The following SPATA13 variants were observed in gnomAD, a reference collection of about 807,000 sequenced individuals.
SPATA13 encodes spermatogenesis-associated protein 13.
SPATA13 carries 50 observed loss-of-function variants against 104.0 expected under a neutral mutation model. The observed-to-expected ratio is 0.48, with a 90% CI of 0.38 to 0.61. The LOEUF (loss-of-function observed/expected upper bound fraction) is 0.61, where lower values mean the gene tolerates loss of function less well. SPATA13 is among the 20% of genes least tolerant of loss of function. SPATA13 has a pLI of 0.00. For synonymous variants in SPATA13, 606 were observed against 667.5 expected, an observed-to-expected ratio of 0.91 and a Z score of 1.42; for missense variants, 1,524 against 1,690.6, an observed-to-expected ratio of 0.90 and a Z score of 1.73.
intron 3 of SPATA13, among the ~76,000 whole-genome samples, chr13:24,086,279 TA>T (rs1167265925): frequency 6.6e-6 from 1 of 152,120 alleles, no homozygotes; most frequent in Non-Finnish European, 1.5e-5. Flanking sequence ...ATAGTCTTGC[TA>T]AAAAAAGGGA....
intron 3 of SPATA13, among the ~76,000 whole-genome samples, chr13:24,053,738 G>T (rs554888452): frequency 6.6e-6 from 1 of 152,168 alleles, no homozygotes; most frequent in South Asian, 2.1e-4. Context: ...ATGATTTTGG[G>T]GCTGCTGTCT....
At chr13:24,170,086 A>G (rs1178051606) in intron 1 of SPATA13, among the ~76,000 whole-genome samples, 2 of 152,232 alleles carry the variant, frequency 1.3e-5, no homozygotes, top group Non-Finnish European at 2.9e-5. Context: ...ACAAGGTCCC[A>G]TCTTCAGTTT....
At chr13:24,057,868 C>G (rs895065473) in intron 3 of SPATA13, among the ~76,000 whole-genome samples, 1 of 151,704 alleles carries the variant, frequency 6.6e-6, no homozygotes, top group East Asian at 1.9e-4. Context: ...TCCAGATTCC[C>G]CTCCTCTCTT....
intron 3 of SPATA13, among the ~76,000 whole-genome samples, chr13:24,078,143 C>T (rs9511035): frequency 0.22 from 34,045 of 151,976 alleles, 4,062 homozygotes; most frequent in Non-Finnish European, 0.27. Context: ...GCCACCTGCT[C>T]GCCCCCACAG....
At chr13:24,023,204 G>C (rs894430206) in intron 3 of SPATA13, among the ~76,000 whole-genome samples, 1 of 152,010 alleles carries the variant, frequency 6.6e-6, no homozygotes, top group Non-Finnish European at 1.5e-5. Context: ...CTTTGTGATA[G>C]GTTGCTCAGA....
chr13:24,271,657 A>G (rs1874620184), intron 4 of SPATA13, among the ~76,000 whole-genome samples: 1 of 152,232 alleles, frequency 6.6e-6, no homozygotes, highest in African/African-American at 2.4e-5. Context: ...AAGACTTCAC[A>G]GACAGGCTTT....
At chr13:24,082,558 C>T (rs932972161) in intron 3 of SPATA13, among the ~76,000 whole-genome samples, 16 of 152,044 alleles carry the variant, frequency 1.1e-4, no homozygotes, top group Admixed American at 4.6e-4. Flanking sequence ...CGGTGGCTCA[C>T]GCCTGTAATC....
intron 1 of SPATA13, among the ~76,000 whole-genome samples, chr13:24,210,767 T>G (rs1407480831): frequency 1.8e-4 from 2 of 11,214 alleles, no homozygotes; most frequent in Non-Finnish European, 2.6e-4. Context: ...AATTTTAGGG[T>G]TTTTTTTTTT....
At chr13:24,124,409 C>T (rs886567831) in intron 3 of SPATA13, among the ~76,000 whole-genome samples, 5 of 152,044 alleles carry the variant, frequency 3.3e-5, no homozygotes, top group African/African-American at 9.6e-5. Flanking sequence ...TGTAGAGCCC[C>T]GTCAGTGTCT....
chr13:24,127,526 T>C (rs1274755014), intron 3 of SPATA13, among the ~76,000 whole-genome samples: 1 of 151,796 alleles, frequency 6.6e-6, no homozygotes, highest in Non-Finnish European at 1.5e-5. Flanking sequence ...AACCATAGAG[T>C]GAACCAAGGA....
chr13:24,094,742 G>T (rs1240524262), intron 3 of SPATA13, among the ~76,000 whole-genome samples: 1 of 152,100 alleles, frequency 6.6e-6, no homozygotes, highest in Non-Finnish European at 1.5e-5. Context: ...CTGCACTCCA[G>T]CCTGGGCAAT....
intron 3 of SPATA13, among the ~76,000 whole-genome samples, chr13:24,134,112 T>C (rs1407491163): frequency 6.6e-6 from 1 of 152,188 alleles, no homozygotes; most frequent in Non-Finnish European, 1.5e-5. Flanking sequence ...GGTACCCAGA[T>C]AGAACTCTGC....
At position 24,120,989 on chromosome 13, in the gene SPATA13, C is replaced by T. The variant is rs567646300; in HGVS notation, c.-111-101830C>T. Among the ~76,000 whole-genome samples, 29 of 152,036 alleles carry T rather than the reference C, an allele frequency of 1.9e-4. 1 individual carries two copies. In the South Asian group the frequency reaches 5.4e-3, roughly 28 times the overall value. ...AAAACTGCAAGATAACAAACGATAACGAGGAAGTAGGAGTGCTTGCTTGCT... is the reference window on the plus strand; with the variant it reads ...AAAACTGCAAGATAACAAACGATAATGAGGAAGTAGGAGTGCTTGCTTGCT... On this transcript the variant is annotated intron_variant, in intron 3 of 14. Transcript: ENST00000424834.
chr13:23,982,439 A>G (rs1304502871), intron 1 of SPATA13, among the ~76,000 whole-genome samples: 2 of 152,260 alleles, frequency 1.3e-5, no homozygotes, highest in Non-Finnish European at 2.9e-5. Flanking sequence ...TACTAAATAC[A>G]ACACTCTTCA....
rs554082470 is a variant in SPATA13 at position 24,300,624 on chromosome 13, A to G, written c.3658+149A>G. 122 of 689,060 alleles carry G rather than the reference A, an allele frequency of 1.8e-4. No individual in the cohort carries two copies. The Middle Eastern group carries it at 2.6e-3, about 15-fold the overall frequency. 42.7% of individuals were successfully genotyped at this position (689,060 alleles called of 1,614,324 possible). On this transcript the variant is annotated intron_variant, in intron 12 of 12. Coordinates refer to ENST00000382108, the MANE Select transcript of SPATA13 (RefSeq NM_001166271.3). ...CAAGGGCAGGTCCAGAACAGGGGCC[A>G]GGTGAAGGTGGCCTGTGTTTGGTTT...
chr13:24,301,838 T>A (rs1367085985), intron 12 of SPATA13, among the ~76,000 whole-genome samples: 2 of 152,244 alleles, frequency 1.3e-5, no homozygotes. Flanking sequence ...GGTGAAGTTT[T>A]GATTAGAGTG....
chr13:24,130,176 T>C (rs1412484113), intron 3 of SPATA13, among the ~76,000 whole-genome samples: 1 of 152,168 alleles, frequency 6.6e-6, no homozygotes, highest in Non-Finnish European at 1.5e-5. Flanking sequence ...GCACTTCGTG[T>C]GAAGGGAATC....
intron 3 of SPATA13, among the ~76,000 whole-genome samples, chr13:24,109,150 G>A (rs762446403): frequency 1.3e-5 from 2 of 151,920 alleles, no homozygotes; most frequent in Non-Finnish European, 2.9e-5. Context: ...TGATGTTCCC[G>A]CCCTCTGTCC....
At chr13:24,058,963 G>GT (rs11455623) in intron 3 of SPATA13, among the ~76,000 whole-genome samples, 66,213 of 146,988 alleles carry the variant, frequency 0.45, 16,192 homozygotes, top group East Asian at 0.66. Flanking sequence ...TCTGTGTATT[G>GT]TTTTTTGTTT....
Sources: gnomAD v4.1 joint callset for allele counts (sites outside exome capture counted in the v4.1 genomes callset) on GRCh38, gnomAD v4.1.1 for gene constraint, MANE v1.5 for transcripts, NCBI Gene and HGNC (gene_info 2026-07-23, HGNC 2026-07-21) for gene names.